The following COL6A2 variants were observed in gnomAD, a reference collection of about 807,000 sequenced individuals.
The protein encoded by COL6A2 is collagen alpha-2(VI) chain.
Under a neutral mutation model 124.9 loss-of-function variants are expected in COL6A2, and 90 were observed. The observed-to-expected ratio is 0.72, with a 90% confidence interval of 0.61 to 0.86. COL6A2 has a LOEUF of 0.86. COL6A2 is among the 40% of genes least tolerant of loss of function. The probability of loss-of-function intolerance (pLI) is 0.00; values close to 1 mark genes in which losing one functional copy is unlikely to be tolerated. For synonymous variants in COL6A2, 793 were observed against 618.2 expected (o/e 1.28, Z -4.19); for missense variants, 1,607 against 1,502.5 (o/e 1.07, Z -1.15).
rs376564984 is a variant in COL6A2 at position 46,112,366 on chromosome 21, G to T, written c.503G>T (p.Ser168Ile). ...ATCACCGACGGCCACGTCACCGGCA[G>T]CCCCTGCGGGGGCATCAAGCTGCAG... ...VVITDGHVTGSPCGGIKLQAE... is the reference protein window; with the variant it reads ...VVITDGHVTGIPCGGIKLQAE... The change falls in exon 3 of 28, where the codon AGC becomes ATC. Residue 168 changes from serine (S) to isoleucine (I), a missense_variant. Coordinates refer to ENST00000300527, the MANE Select transcript of COL6A2 (RefSeq NM_001849.4). 102 of 1,608,146 alleles carry T rather than the reference G, an allele frequency of 6.3e-5. No individual in the cohort carries two copies. The highest frequency in any genetic ancestry group is 8.4e-5 in the Non-Finnish European group (99 of 1,178,212).
chr21:46,120,443 C>A, intron 15 of COL6A2, 72 bp from the exon 16 acceptor site: 1 of 1,289,536 alleles, frequency 7.8e-7, no homozygotes, highest in Non-Finnish European at 1.1e-6. Context: ...CCCGGCCACA[C>A]CCGCCTCTCA....
intron 19 of COL6A2, 107 bp downstream of exon 19, chr21:46,122,265 G>A (rs1055858065): frequency 5.2e-6 from 7 of 1,359,158 alleles, no homozygotes; most frequent in Middle Eastern, 1.8e-4. Flanking sequence ...GCAGAAGAAA[G>A]TGTGAGGTCC....
intron 1 of COL6A2, among the ~76,000 whole-genome samples, chr21:46,109,276 T>C (rs910311440): frequency 2.0e-5 from 3 of 152,150 alleles, no homozygotes; most frequent in African/African-American, 7.2e-5. Context: ...AGAGAGCACC[T>C]CCTCTCTGCA....
At chr21:46,117,270 G>A (rs2078486998) in intron 10 of COL6A2, 130 bp from the exon 11 acceptor site, 1 of 919,880 alleles carries the variant, frequency 1.1e-6, no homozygotes, top group African/African-American at 1.6e-5. Flanking sequence ...GCCTCATGTG[G>A]GCACCCGTGT....
Position 46,111,480 on chromosome 21 carries a change from C to G in COL6A2, c.4C>G (p.Leu2Val). Residue 2 changes from leucine to valine, a missense_variant, in exon 2 of 28, where the codon CTC (leucine) becomes GTC (valine). Physicochemically the swap from Leu to Val is conservative, Grantham distance 32. This residue lies in a region of COL6A2 where 342 missense variants were observed against 381.5 expected (regional missense o/e 0.90). Transcript: ENST00000300527. ...CAGGGCCACAGGTGCTGCCAAGATG[C>G]TCCAGGGCACCTGCTCCGTGCTCCT... M[L>V]QGTCSVLLLW... is the part of the protein sequence containing the mutation. 6.2e-7 allele frequency: 1 copy of G among 1,611,122 alleles called. No homozygotes were observed. Among genetic ancestry groups the G allele is most frequent in the Non-Finnish European group, 8.5e-7 (1 of 1,178,514 alleles).
chr21:46,117,579 A>T, intron 11 of COL6A2, 126 bp downstream of exon 11: 2 of 977,640 alleles, frequency 2.0e-6, no homozygotes. Flanking sequence ...GCCCCAGCCC[A>T]GCAGCCCCAG....
At chr21:46,127,756 G>T (rs151076661) in intron 27 of COL6A2, among the ~76,000 whole-genome samples, 52 of 152,270 alleles carry the variant, frequency 3.4e-4, no homozygotes, top group Admixed American at 2.4e-3. Flanking sequence ...TCTGGGTCCA[G>T]TGTGAGTGGC....
chr21:46,113,726 C>G, intron 4 of COL6A2: 1 of 522,362 alleles, frequency 1.9e-6, no homozygotes. Context: ...CCCGGCCTTT[C>G]TTCCCTTCTA....
rs941639709 is a variant in COL6A2, at chr21:46,122,628, C to A, written c.1608+97C>A. ...TGCCCACCGTCACTGACAGGACCAC[C>A]CCTGTCTTGAGATGGTCCTGGCTCC... On this transcript the variant is annotated intron_variant, in intron 20 of 27. Transcript: ENST00000300527. 7.9e-6 allele frequency: 11 copies of A among 1,386,614 alleles called. No individual in the cohort carries two copies. In the African/African-American group the frequency reaches 1.4e-4, roughly 18 times the overall value. 85.9% of individuals were successfully genotyped at this position (1,386,614 alleles called of 1,614,324 possible).
intron 5 of COL6A2, among the ~76,000 whole-genome samples, chr21:46,115,265 GCC>G (rs1368106872): frequency 2.0e-5 from 3 of 152,224 alleles, no homozygotes; most frequent in African/African-American, 7.2e-5. Context: ...TGTTCCAGAA[GCC>G]TCTGCCCACC....
At chr21:46,124,789 C>G in intron 22 of COL6A2, 76 bp downstream of exon 22, 1 of 1,600,964 alleles carries the variant, frequency 6.2e-7, no homozygotes, top group Non-Finnish European at 8.6e-7. Context: ...GTGGTTCTGC[C>G]CACGGTGGAC....
At chr21:46,128,428 C>T (rs1198609485) in intron 27 of COL6A2, among the ~76,000 whole-genome samples, 4 of 152,256 alleles carry the variant, frequency 2.6e-5, no homozygotes, top group African/African-American at 4.8e-5. Flanking sequence ...TTCACCAGCC[C>T]ACACGGCCAG....
intron 4 of COL6A2, chr21:46,113,544 C>T (rs1005873670): frequency 2.0e-4 from 39 of 196,636 alleles, no homozygotes; most frequent in East Asian, 8.2e-4. Context: ...ACCTGGTGTG[C>T]GCATGTAGTT....
Position 46,126,113 on chromosome 21 carries a change from G to A in COL6A2, c.2298G>A (p.Lys766=), listed in dbSNP as rs1487961328. 6 of 1,612,442 alleles carry A rather than the reference G, an allele frequency of 3.7e-6. No homozygotes were observed. The highest frequency in any genetic ancestry group is 5.1e-6 in the Non-Finnish European group (6 of 1,180,022). Residue 766 remains lysine (K), a synonymous_variant, in exon 26 of 28, where the codon AAG becomes AAA. Coordinates refer to ENST00000300527, the MANE Select transcript of COL6A2 (RefSeq NM_001849.4). ...GCATCGGGGACATGTTCCACGAGAA[G>A]CACGAGAGTGAAAACCTCTACTCCA... ...AIGIGDMFHE[K]HESENLYSIA... is the part of the protein sequence containing the mutation.
chr21:46,111,940 C>T, intron 2 of COL6A2, 39 bp from the exon 3 acceptor site: 1 of 1,595,098 alleles, frequency 6.3e-7, no homozygotes, highest in Non-Finnish European at 8.6e-7. Context: ...ACAGCAGTCC[C>T]TCCTGAGGCT....
At chr21:46,131,915 C>T (rs780767984) in intron 27 of COL6A2, 39 bp from the exon 28 acceptor site, 24 of 1,542,888 alleles carry the variant, frequency 1.6e-5, no homozygotes, top group Non-Finnish European at 1.4e-5. Context: ...GTCCTGCCCA[C>T]CTCCCCTCCG....
In COL6A2 at chr21:46,122,055, C is replaced by T; in HGVS notation, c.1522-53C>T. 2.5e-6 allele frequency: 4 copies of T among 1,593,208 alleles called. No homozygotes were observed. In the South Asian group the frequency reaches 4.4e-5, roughly 18 times the overall value. On this transcript the variant is annotated intron_variant, in intron 18 of 27. Coordinates refer to ENST00000300527, the MANE Select transcript of COL6A2 (RefSeq NM_001849.4). Reference sequence around the variant, plus strand: ...CTTGCGCCCTGTTGAGCACAGCCCCCCAGCCCCACCCCGTCCTATGACCAT... The same window carrying T: ...CTTGCGCCCTGTTGAGCACAGCCCCTCAGCCCCACCCCGTCCTATGACCAT...
intron 27 of COL6A2, chr21:46,129,057 T>G: frequency 1.2e-6 from 2 of 1,600,128 alleles, no homozygotes; most frequent in South Asian, 1.1e-5. Context: ...ACACACCCGC[T>G]CCACCTGCAT....
At position 46,122,821 on chromosome 21, in the gene COL6A2, T is replaced by G. The variant is rs373255406; in HGVS notation, c.1609-54T>G. The G allele has an allele frequency of 6.5e-5, 99 of 1,534,546 alleles. No homozygotes were observed. In the African/African-American group the frequency reaches 1.3e-3, roughly 20 times the overall value. On this transcript the variant is annotated intron_variant, in intron 20 of 27. Transcript: ENST00000300527. ...TTTCCACATAAAAATCTCACTGGTG[T>G]CCCTGGTAGAGACAGCTCCTCTGTC...
Sources: allele counts gnomAD v4.1 joint callset (sites outside exome capture counted in the v4.1 genomes callset), GRCh38; gene constraint gnomAD v4.1.1; regional missense constraint gnomAD v4.1.1; transcripts MANE v1.5; gene names NCBI Gene and HGNC (gene_info 2026-07-23, HGNC 2026-07-21).